Variants in RAB19 observed in about 807,000 individuals in gnomAD.
RAB19 encodes RAB19, member RAS oncogene family, also known as ras-related protein Rab-19.
In RAB19, 21 loss-of-function variants were observed where a neutral mutation model predicts 17.3. The ratio of observed to expected loss-of-function variants is 1.21; its 90% CI spans 0.86 to 1.74. The LOEUF (loss-of-function observed/expected upper bound fraction) is 1.74, where lower values mean the gene tolerates loss of function less well. Among genes scored for constraint, RAB19 ranks in the 40% most tolerant of loss-of-function variants. The pLI, the probability that RAB19 is intolerant of heterozygous loss-of-function variation, is 0.00. For synonymous variants in RAB19, 126 were observed against 110.4 expected (o/e 1.14, Z -0.88); for missense variants, 277 against 286.8 (o/e 0.97, Z 0.25).
chr7:140,419,349 G>A (rs898137842), intron 3 of RAB19, among the ~76,000 whole-genome samples: 3 of 152,122 alleles, frequency 2.0e-5, no homozygotes, highest in Non-Finnish European at 4.4e-5. Context: ...GATTACAGGT[G>A]TGAGCCACTG....
intron 3 of RAB19, among the ~76,000 whole-genome samples, chr7:140,424,487 G>T (rs1311188965): frequency 6.6e-6 from 1 of 151,556 alleles, no homozygotes; most frequent in Non-Finnish European, 1.5e-5. Flanking sequence ...AAAGTCTGTG[G>T]ATAGCACCAA....
Position 140,410,180 on chromosome 7 carries a change from G to C in RAB19, c.202-1694G>C, listed in dbSNP as rs191727620. 1.5e-3 allele frequency among the ~76,000 whole-genome samples: 231 copies of C among 151,682 alleles called. 1 individual carries two copies. In the East Asian group the frequency reaches 0.026, roughly 17 times the overall value. ...AGGGTCTCACTTTGTTGCCCAGATG[G>C]AGGGCAGTGGCGCATGATCTCAGCT... On this transcript the variant is annotated intron_variant, in intron 2 of 3. Coordinates refer to ENST00000537763, the MANE Select transcript of RAB19 (RefSeq NM_001008749.3).
At chr7:140,420,403 AGAGT>A (rs1227087300) in intron 3 of RAB19, among the ~76,000 whole-genome samples, 1 of 143,320 alleles carries the variant, frequency 7.0e-6, no homozygotes, top group Non-Finnish European at 1.5e-5. Flanking sequence ...CCTGGGCAAC[AGAGT>A]GAGACTCCAT....
At chr7:140,411,095 A>G (rs1288104247) in intron 2 of RAB19, 1 of 1,367,618 alleles carries the variant, frequency 7.3e-7, no homozygotes, top group African/African-American at 1.5e-5. Flanking sequence ...ACAAGACCCC[A>G]GGATAAAATA....
rs1284341250 is a variant in RAB19 at position 140,426,081 on chromosome 7, C to T, written c.585C>T (p.Gly195=). 6.2e-7 allele frequency: 1 copy of T among 1,614,158 alleles called. No homozygotes were observed. The change falls in exon 4 of 4, where the codon GGC becomes GGT. Residue 195 remains glycine, a synonymous_variant. Transcript: ENST00000537763. Reference sequence around the variant, plus strand: ...TATATGGGGAGAGTGCCCTGAACGGCCTCCCCCTGGACTCCAGCCCCGTTC... The same window carrying T: ...TATATGGGGAGAGTGCCCTGAACGGTCTCCCCCTGGACTCCAGCCCCGTTC... ...LHLYGESALN[G]LPLDSSPVLM... is the part of the protein sequence containing the mutation.
At chr7:140,419,365 C>T (rs1479090553) in intron 3 of RAB19, among the ~76,000 whole-genome samples, 4 of 152,002 alleles carry the variant, frequency 2.6e-5, no homozygotes, top group Non-Finnish European at 2.9e-5. Context: ...CACTGTGCCT[C>T]GTCTTGTTTT....
intron 1 of RAB19, among the ~76,000 whole-genome samples, chr7:140,405,882 A>G (rs1799230326): frequency 6.6e-6 from 1 of 152,056 alleles, no homozygotes; most frequent in Admixed American, 6.6e-5. Flanking sequence ...CCAAAAATAT[A>G]TTTTTTCAAT....
At chr7:140,425,353 C>G (rs1202662355) in intron 3 of RAB19, among the ~76,000 whole-genome samples, 2 of 152,000 alleles carry the variant, frequency 1.3e-5, no homozygotes, top group African/African-American at 4.8e-5. Flanking sequence ...ATCCTGATCA[C>G]AGTCTACTCA....
chr7:140,409,571 C>T lies in RAB19; in HGVS notation c.201+1724C>T, dbSNP rs112252366. Reference sequence around the variant, plus strand: ...AATTAACCGGGCGTGGTGGCACATGCCTGTAATCCCAGCTGGTCAGGAGGC... The same window carrying T: ...AATTAACCGGGCGTGGTGGCACATGTCTGTAATCCCAGCTGGTCAGGAGGC... On this transcript the variant is annotated intron_variant, in intron 2 of 3. Coordinates refer to ENST00000537763, the MANE Select transcript of RAB19 (RefSeq NM_001008749.3). Among the ~76,000 whole-genome samples the T allele has an allele frequency of 9.1e-3, 1,385 of 152,136 alleles. 22 individuals carry two copies. The highest frequency in any genetic ancestry group is 0.032 in the African/African-American group (1,322 of 41,506).
In RAB19 at chr7:140,425,285, C is replaced by CAAACAAAACA. The variant is rs540341868; in HGVS notation, c.386-579_386-570dup. ...TGGGTGACAGAGTGAGACTCCATCT[C>CAAACAAAACA]AAACAAAACAAAACAAAACAAAACA... On this transcript the variant is annotated intron_variant, in intron 3 of 3. Transcript: ENST00000537763. Among the ~76,000 whole-genome samples the CAAACAAAACA allele has an allele frequency of 1.9e-3, 281 of 151,590 alleles. 1 individual carries two copies. In the East Asian group the frequency reaches 0.031, roughly 17 times the overall value.
At chr7:140,416,530 A>G (rs866045288) in intron 3 of RAB19, among the ~76,000 whole-genome samples, 66 of 152,200 alleles carry the variant, frequency 4.3e-4, no homozygotes, top group African/African-American at 1.4e-3. Flanking sequence ...ATGTTATTTT[A>G]TTGCTGTCTT....
intron 2 of RAB19, among the ~76,000 whole-genome samples, chr7:140,411,652 G>T (rs566732499): frequency 1.3e-5 from 2 of 152,266 alleles, no homozygotes; most frequent in South Asian, 2.1e-4. Flanking sequence ...TTGCGGGTTG[G>T]ACAAGCTTGT....
Position 140,411,929 on chromosome 7 carries a change from A to T in RAB19, c.257A>T (p.Tyr86Phe), listed in dbSNP as rs1337185398. 2 of 1,613,008 alleles carry T rather than the reference A, an allele frequency of 1.2e-6. No individual in the cohort carries two copies. The highest frequency in any genetic ancestry group is 1.7e-6 in the Non-Finnish European group (2 of 1,179,352). Residue 86 changes from tyrosine to phenylalanine, a missense_variant, in exon 3 of 4, where the codon TAC becomes TTC. Tyr to Phe is a conservative substitution (Grantham distance 22). Transcript: ENST00000537763. ...CGCTTCCGCACCATCACCCAAAGCT[A>T]CTACCGCAGTGCCCACGCAGCCATC... Reference protein sequence around the residue: ...QERFRTITQSYYRSAHAAIIA... With the variant: ...QERFRTITQSFYRSAHAAIIA...
chr7:140,426,261 C>A lies in RAB19; in HGVS notation c.*111C>A. 8.0e-7 allele frequency: 1 copy of A among 1,250,146 alleles called. No homozygotes were observed. The highest frequency in any genetic ancestry group is 1.1e-6 in the Non-Finnish European group (1 of 914,658). The allele number at this position is 1,250,146 out of a possible 1,614,324, so 77.4% of individuals were successfully genotyped here. On this transcript the variant is annotated 3_prime_UTR_variant, in exon 4 of 4. Transcript: ENST00000537763. ...CGCTTTAGACCCCAGCGTGGACTTG[C>A]CGCTCACCCCTAATCCTCCCAGTCT...
chr7:140,425,708 G>C (rs1799653017), intron 3 of RAB19, among the ~76,000 whole-genome samples, 174 bp from the exon 4 acceptor site: 3 of 150,158 alleles, frequency 2.0e-5, no homozygotes, highest in Non-Finnish European at 4.4e-5. Flanking sequence ...TGGGCGACAA[G>C]AGTGAAACTC....
chr7:140,411,523 T>C (rs1463202797), intron 2 of RAB19, among the ~76,000 whole-genome samples: 2 of 144,622 alleles, frequency 1.4e-5, no homozygotes, highest in Admixed American at 1.4e-4. Context: ...CTAACACTAA[T>C]GATACCTGAT....
intron 2 of RAB19, chr7:140,411,084 C>A (rs1267735448): frequency 1.5e-6 from 2 of 1,367,682 alleles, no homozygotes; most frequent in Non-Finnish European, 2.0e-6. Context: ...AGGCAAAGAA[C>A]ACAAGACCCC....
chr7:140,425,937 A>G lies in RAB19; in HGVS notation c.441A>G (p.Thr147=), dbSNP rs1226273770. The G allele has an allele frequency of 1.9e-6, 3 of 1,614,198 alleles. No individual in the cohort carries two copies. The highest frequency in any genetic ancestry group is 4.5e-5 in the East Asian group (2 of 44,886). The change falls in exon 4 of 4, where the codon ACA becomes ACG. Residue 147 remains threonine, a synonymous_variant. Coordinates refer to ENST00000537763, the MANE Select transcript of RAB19 (RefSeq NM_001008749.3). ...ACGTCCTGTTCGAGGATGCCTGCAC[A>G]CTGGCTGAGAAGTACGGCCTCCTGG... ...KRHVLFEDAC[T]LAEKYGLLAV...
intron 2 of RAB19, chr7:140,410,825 A>G (rs1350043799): frequency 4.2e-6 from 3 of 714,924 alleles, no homozygotes; most frequent in South Asian, 2.1e-5. Context: ...AATTTTATAT[A>G]AATAGTATGA....
Sources: allele counts gnomAD v4.1 joint callset (sites outside exome capture counted in the v4.1 genomes callset), GRCh38; gene constraint gnomAD v4.1.1; transcripts MANE v1.5; gene names NCBI Gene and HGNC (gene_info 2026-07-23, HGNC 2026-07-21).